RNF32: variants seen among roughly 807,000 people sequenced by gnomAD.
RNF32 encodes ring finger protein 32.
Under a neutral mutation model 41.0 loss-of-function variants are expected in RNF32, and 36 were observed. The ratio of observed to expected loss-of-function variants is 0.88; its 90% confidence interval spans 0.67 to 1.16. RNF32 has a LOEUF of 1.16. Ranked by LOEUF, RNF32 falls within the 50% of genes most tolerant of loss-of-function variation. The pLI, the probability that RNF32 is intolerant of heterozygous loss-of-function variation, is 0.00. For synonymous variants in RNF32, 154 were observed against 160.9 expected (o/e 0.96, Z 0.32); for missense variants, 413 against 436.7 (o/e 0.95, Z 0.48).
At chr7:156,671,068 A>C (rs1256466736) in intron 7 of RNF32, among the ~76,000 whole-genome samples, 2 of 152,238 alleles carry the variant, frequency 1.3e-5, no homozygotes, top group Non-Finnish European at 2.9e-5. Context: ...TTTAGACCTT[A>C]ATAATGTAAG....
chr7:156,655,239 GCACA>G (rs57235616), intron 4 of RNF32, among the ~76,000 whole-genome samples: 61 of 148,564 alleles, frequency 4.1e-4, no homozygotes, highest in South Asian at 1.5e-3. Flanking sequence ...ACACGCGCGC[GCACA>G]CACACACACA....
chr7:156,661,322 ATT>A (rs112482414), intron 7 of RNF32, among the ~76,000 whole-genome samples: 6 of 144,218 alleles, frequency 4.2e-5, no homozygotes, highest in Admixed American at 2.1e-4. Context: ...GGGCCTTAGG[ATT>A]TTTTTTTTTT....
chr7:156,657,795 G>T (rs1799951857), intron 5 of RNF32: 5 of 610,644 alleles, frequency 8.2e-6, no homozygotes, highest in Non-Finnish European at 1.2e-5. Context: ...GTAACAGATT[G>T]TTGTCAGTAA....
At chr7:156,676,345 G>A (rs527633011) in intron 8 of RNF32, 74 bp from the exon 9 acceptor site, 78 of 1,613,358 alleles carry the variant, frequency 4.8e-5, no homozygotes, top group Non-Finnish European at 6.2e-5. Flanking sequence ...CACATGGTTC[G>A]CATTTCAGTT....
rs549057633 is a variant in RNF32 at position 156,659,279 on chromosome 7, G to A, written c.684+709G>A. On this transcript the variant is annotated intron_variant, in intron 7 of 8. Coordinates refer to ENST00000317955, the MANE Select transcript of RNF32 (RefSeq NM_030936.4). ...TATAATGGCCCAGCACACAGTAGGT[G>A]CTGGAAATTCTGTATTTATTATCAC... 2.1e-5 allele frequency: 21 copies of A among 1,013,450 alleles called. No individual in the cohort carries two copies. The South Asian group carries it at 8.8e-4, about 42-fold the overall frequency. 62.8% of individuals were successfully genotyped at this position (1,013,450 alleles called of 1,614,324 possible).
rs1301579705 is a variant in RNF32, at chr7:156,669,149, G to A, written c.685-6547G>A. 2.0e-5 allele frequency: 3 copies of A among 152,176 alleles called. No individual in the cohort carries two copies. The highest frequency in any genetic ancestry group is 7.2e-5 in the African/African-American group (3 of 41,434). 9.4% of individuals were successfully genotyped at this position (152,176 alleles called of 1,614,324 possible). A position where few individuals can be genotyped will look rare whatever the true frequency, so the allele number is the denominator to read the frequency against. ...TACTTTGTGAGCCTTCATTGTAAAG[G>A]GTGTGCTGACCAGCCCCTCTGGGCA... On this transcript the variant is annotated intron_variant, in intron 7 of 8. Transcript: ENST00000317955. The surrounding 1 kb of genome is among the most constrained non-coding windows in gnomAD (Gnocchi z 4.2).
In RNF32 at chr7:156,657,535, G is replaced by A. The variant is rs752165751; in HGVS notation, c.418-6G>A. 1 of 1,614,068 alleles carries A rather than the reference G, an allele frequency of 6.2e-7. No homozygotes were observed. ...CTTCAACGTCGTTCTGTTTCCTCAT[G>A]AACAGGTGCTGCTTTCATGCTCCCA... On this transcript the variant is annotated splice_polypyrimidine_tract_variant and splice_region_variant and intron_variant, in intron 4 of 8. Transcript: ENST00000317955.
chr7:156,660,443 G>T (rs971988578), intron 7 of RNF32: 1 of 266,122 alleles, frequency 3.8e-6, no homozygotes, highest in African/African-American at 2.3e-5. Flanking sequence ...GAATATCTGT[G>T]AAGAAACTGA....
intron 4 of RNF32, chr7:156,655,013 G>GA: frequency 4.5e-6 from 1 of 224,356 alleles, no homozygotes; most frequent in Non-Finnish European, 8.7e-6. Context: ...GGGCTTCCCA[G>GA]GAGCAGCTGT....
intron 5 of RNF32, 47 bp from the exon 6 acceptor site, chr7:156,658,081 T>C (rs756212595): frequency 1.6e-5 from 25 of 1,576,148 alleles, no homozygotes; most frequent in Non-Finnish European, 2.2e-5. Context: ...AAAACGTTGT[T>C]TATAAGTAAT....
At chr7:156,673,469 G>A (rs953793267) in intron 7 of RNF32, among the ~76,000 whole-genome samples, 3 of 152,156 alleles carry the variant, frequency 2.0e-5, no homozygotes, top group East Asian at 1.9e-4. Flanking sequence ...CTTAGGAAAC[G>A]TTACCGATTC....
In RNF32 at chr7:156,670,731, A is replaced by G. The variant is rs1802306734; in HGVS notation, c.685-4965A>G. On this transcript the variant is annotated intron_variant, in intron 7 of 8. Transcript: ENST00000317955. The surrounding 1 kb of genome is among the most constrained non-coding windows in gnomAD (Gnocchi z 4.3). ...TCGGGAGAGACCTAACCGCCAGTCT[A>G]GACTCCCATGTGAACCAAATGAAAG... Among the ~76,000 whole-genome samples, 1 of 152,198 alleles carries G rather than the reference A, an allele frequency of 6.6e-6. No individual in the cohort carries two copies. The highest frequency in any genetic ancestry group is 2.1e-4 in the South Asian group (1 of 4,830).
At chr7:156,665,278 A>G (rs990577192) in intron 7 of RNF32, among the ~76,000 whole-genome samples, 2 of 152,224 alleles carry the variant, frequency 1.3e-5, no homozygotes, top group Non-Finnish European at 1.5e-5. Flanking sequence ...AATTCCAGGC[A>G]TGCCAGGTTT....
At chr7:156,643,573 G>A (rs965907752) in intron 1 of RNF32, among the ~76,000 whole-genome samples, 1 of 152,194 alleles carries the variant, frequency 6.6e-6, no homozygotes, top group African/African-American at 2.4e-5. Flanking sequence ...GTATTAATGT[G>A]TCCTCAGGAG....
chr7:156,674,559 T>C (rs1343039931), intron 7 of RNF32, among the ~76,000 whole-genome samples: 1 of 152,196 alleles, frequency 6.6e-6, no homozygotes. Flanking sequence ...GTGGCCACTC[T>C]GTAATGACTC....
chr7:156,655,355 A>G (rs554981684), intron 4 of RNF32, among the ~76,000 whole-genome samples: 1 of 152,164 alleles, frequency 6.6e-6, no homozygotes, highest in East Asian at 1.9e-4. Flanking sequence ...TGCCTAACTA[A>G]ACTATTGTCC....
chr7:156,675,798 CAGCAG>C lies in RNF32; in HGVS notation c.788_792del (p.Gln263LeufsTer8). 1 of 1,614,148 alleles carries C rather than the reference CAGCAG, an allele frequency of 6.2e-7. No homozygotes were observed. The highest frequency in any genetic ancestry group is 1.6e-4 in the Middle Eastern group (1 of 6,062). ...CTTGGCCATAAATCGAAGTGTTCTT[CAGCAG>C]TTGGAAGAAAAATGTGGCCATGAGA... On this transcript the variant is annotated frameshift_variant, in exon 8 of 9. Coordinates refer to ENST00000317955, the MANE Select transcript of RNF32 (RefSeq NM_030936.4). LOFTEE classifies it high-confidence loss of function.
rs770391425 is a variant in RNF32, at chr7:156,675,745, AAG to A, written c.737_738del (p.Glu246AlafsTer26). 5 of 1,613,886 alleles carry A rather than the reference AAG, an allele frequency of 3.1e-6. No homozygotes were observed. In the Admixed American group the frequency reaches 8.3e-5, roughly 27 times the overall value. ...CTGTGCTCATACAACACCAACATTGAAGAGCTCTTTGCAGAAATCGATCAGTG... is the reference window on the plus strand; with the variant it reads ...CTGTGCTCATACAACACCAACATTGAAGCTCTTTGCAGAAATCGATCAGTG... On this transcript the variant is annotated frameshift_variant, in exon 8 of 9. Transcript: ENST00000317955. LOFTEE classifies it high-confidence loss of function.
chr7:156,644,639 A>G lies in RNF32; in HGVS notation c.156A>G (p.Leu52=), dbSNP rs746320575. ...TQVQKKENKS[L]KRDTKAIIDT... is the part of the protein sequence containing the mutation. ...TACAAAAGAAAGAGAACAAATCTCT[A>G]AAAAGAGATACAAAGGCAATAATAG... is the stretch of plus-strand genomic sequence containing the variant. The change falls in exon 3 of 9, where the codon CTA becomes CTG. Residue 52 remains leucine, a synonymous_variant. Transcript: ENST00000317955. 4 of 1,612,966 alleles carry G rather than the reference A, an allele frequency of 2.5e-6. No individual in the cohort carries two copies. Among genetic ancestry groups the G allele is most frequent in the South Asian group, 2.2e-5 (2 of 91,068 alleles).
Sources: allele counts gnomAD v4.1 joint callset (sites outside exome capture counted in the v4.1 genomes callset), GRCh38; gene constraint gnomAD v4.1.1; non-coding constraint Gnocchi (gnomAD v3.1); transcripts MANE v1.5; gene names NCBI Gene and HGNC (gene_info 2026-07-23, HGNC 2026-07-21).